Variants in CALN1 observed in about 807,000 individuals in gnomAD.
The protein encoded by CALN1 is calneuron 1.
CALN1 carries 17 observed loss-of-function variants against 30.6 expected under a neutral mutation model. The ratio of observed to expected loss-of-function variants is 0.56; its 90% CI spans 0.38 to 0.83. The LOEUF (loss-of-function observed/expected upper bound fraction) is 0.83, where lower values mean the gene tolerates loss of function less well. CALN1 is among the 40% of genes least tolerant of loss of function. The pLI, the probability that CALN1 is intolerant of heterozygous loss-of-function variation, is 0.00. For missense variants in CALN1, 291 were observed against 354.9 expected, an observed-to-expected ratio of 0.82 and a Z score of 1.45; for synonymous variants, 156 against 131.4, an observed-to-expected ratio of 1.19 and a Z score of -1.28.
At chr7:72,427,923 T>G (rs563044954) in intron 1 of CALN1, among the ~76,000 whole-genome samples, 3 of 152,300 alleles carry the variant, frequency 2.0e-5, no homozygotes, top group East Asian at 3.9e-4. Flanking sequence ...TTGTCCTCAC[T>G]GCCTAACCCC....
At chr7:72,448,629 G>A (rs780745174), upstream of CALN1, among the ~76,000 whole-genome samples, 3 of 150,174 alleles carry the variant, frequency 2.0e-5, no homozygotes, top group Admixed American at 1.3e-4. Context: ...TTTTTTTGAC[G>A]GAGTCTCACT....
chr7:72,086,437 A>T (rs1159832261), intron 4 of CALN1, among the ~76,000 whole-genome samples: 4 of 152,030 alleles, frequency 2.6e-5, no homozygotes, highest in Non-Finnish European at 5.9e-5. Context: ...TATTATTATT[A>T]TTATTGTTAT....
chr7:72,128,965 G>A (rs1252729632), intron 3 of CALN1, among the ~76,000 whole-genome samples: 2 of 152,172 alleles, frequency 1.3e-5, no homozygotes, highest in African/African-American at 2.4e-5. Flanking sequence ...TGTAATTTAT[G>A]TTACAAAAGA....
At chr7:72,391,967 T>C (rs898949554) in intron 2 of CALN1, among the ~76,000 whole-genome samples, 2 of 152,206 alleles carry the variant, frequency 1.3e-5, no homozygotes, top group East Asian at 1.9e-4. Flanking sequence ...CTAAGAGGAT[T>C]TGCACTGCTT....
chr7:72,207,494 A>G (rs1791976701), intron 3 of CALN1, among the ~76,000 whole-genome samples: 1 of 150,616 alleles, frequency 6.6e-6, no homozygotes, highest in Non-Finnish European at 1.5e-5. Flanking sequence ...AGTAGTAGTA[A>G]TATTTGAGAC....
intron 3 of CALN1, among the ~76,000 whole-genome samples, chr7:72,135,836 T>TA (rs1289063916): frequency 1.4e-4 from 22 of 152,220 alleles, no homozygotes; most frequent in African/African-American, 5.3e-4. Flanking sequence ...CTTATTCCAA[T>TA]AGAAGGTTGT....
At chr7:72,312,213 A>C (rs888074110) in intron 2 of CALN1, among the ~76,000 whole-genome samples, 1 of 152,012 alleles carries the variant, frequency 6.6e-6, no homozygotes, top group Non-Finnish European at 1.5e-5. Context: ...AGACCAGCCT[A>C]GCCAACATGG....
At chr7:72,341,525 A>G (rs1384716110) in intron 2 of CALN1, among the ~76,000 whole-genome samples, 1 of 134,936 alleles carries the variant, frequency 7.4e-6, no homozygotes, top group Non-Finnish European at 1.7e-5. Context: ...TCAGTCTCAA[A>G]AAACAAAAAA....
At chr7:72,174,751 C>T (rs1789218171) in intron 3 of CALN1, among the ~76,000 whole-genome samples, 1 of 152,080 alleles carries the variant, frequency 6.6e-6, no homozygotes, top group Admixed American at 6.6e-5. Flanking sequence ...GAGGTGACAA[C>T]ATGGAGGAAG....
intron 5 of CALN1, among the ~76,000 whole-genome samples, chr7:71,967,218 G>T (rs554871103): frequency 2.0e-5 from 3 of 152,056 alleles, no homozygotes; most frequent in Admixed American, 6.5e-5. Flanking sequence ...AATAATGAAG[G>T]AGAGAAATAG....
At chr7:72,256,161 C>T (rs527580218) in intron 3 of CALN1, among the ~76,000 whole-genome samples, 6 of 152,176 alleles carry the variant, frequency 3.9e-5, no homozygotes, top group Non-Finnish European at 5.9e-5. Context: ...AATTCCATCT[C>T]GAAGAATTCT....
In CALN1 at chr7:72,273,514, TTTTTTTC is replaced by T. The variant is rs772064636; in HGVS notation, c.244+5165_244+5171del. The stretch of plus-strand genomic sequence containing the variant: ...GAAGGCAAGATTCTTTTTTTTTTTT[TTTTTTTC>T]TTCCCCCTAGAGACAGGGTCTTTCT... On this transcript the variant is annotated intron_variant, in intron 3 of 6. Coordinates refer to ENST00000395275, the MANE Select transcript of CALN1 (RefSeq NM_031468.4). Among the ~76,000 whole-genome samples, 165 of 122,446 alleles carry T rather than the reference TTTTTTTC, an allele frequency of 1.3e-3. 1 individual carries two copies. In the East Asian group the frequency reaches 0.022, roughly 16 times the overall value. 80.3% of individuals were successfully genotyped at this position (122,446 alleles called of 152,430 possible).
intron 3 of CALN1, among the ~76,000 whole-genome samples, chr7:72,124,567 GC>G (rs1170954282): frequency 1.3e-5 from 2 of 151,988 alleles, no homozygotes; most frequent in African/African-American, 4.8e-5. Flanking sequence ...TGGGAGGATT[GC>G]TTAAGCCCAG....
intron 6 of CALN1, among the ~76,000 whole-genome samples, chr7:71,809,463 T>TAAAAAAAAAAAA (rs1175929275): frequency 2.0e-4 from 1 of 4,908 alleles, no homozygotes; most frequent in African/African-American, 7.1e-4. Flanking sequence ...ATTTAAATGT[T>TAAAAAAAAAAAA]CAAAAAAAAA....
chr7:72,302,911 A>AAAAC (rs1177512600), intron 2 of CALN1, among the ~76,000 whole-genome samples: 2 of 149,990 alleles, frequency 1.3e-5, no homozygotes, highest in African/African-American at 4.9e-5. Flanking sequence ...AAAAAAAAAA[A>AAAAC]AAAAAACGAA....
At chr7:72,381,116 G>A (rs1804874978) in intron 2 of CALN1, among the ~76,000 whole-genome samples, 2 of 152,180 alleles carry the variant, frequency 1.3e-5, no homozygotes, top group Non-Finnish European at 2.9e-5. Context: ...AGCTCTCCCA[G>A]AATGCAGACG....
intron 5 of CALN1, among the ~76,000 whole-genome samples, chr7:71,811,211 T>TC (rs1169984607): frequency 6.6e-6 from 1 of 151,940 alleles, no homozygotes; most frequent in Non-Finnish European, 1.5e-5. Context: ...TATGTATCGT[T>TC]TAAAAAAAAA....
At chr7:71,822,534 C>T (rs1266362712) in intron 5 of CALN1, among the ~76,000 whole-genome samples, 2 of 152,224 alleles carry the variant, frequency 1.3e-5, no homozygotes, top group African/African-American at 2.4e-5. Context: ...AGGCGTGAGT[C>T]ACCGTGCCTG....
intron 5 of CALN1, among the ~76,000 whole-genome samples, chr7:71,847,787 AG>A (rs1475677146): frequency 3.3e-4 from 49 of 149,956 alleles, no homozygotes; most frequent in East Asian, 1.2e-3. Flanking sequence ...AAGAAGAAGA[AG>A]AAGAAGAAAA....
Sources: allele counts gnomAD v4.1 joint callset (sites outside exome capture counted in the v4.1 genomes callset), GRCh38; gene constraint gnomAD v4.1.1; transcripts MANE v1.5; gene names NCBI Gene and HGNC (gene_info 2026-07-23, HGNC 2026-07-21).